The following MYPN variants were observed in gnomAD, a reference collection of about 807,000 sequenced individuals.
MYPN encodes myopalladin, also known as sarcomeric protein myopalladin, 145 kDa (MYOP).
MYPN carries 63 observed loss-of-function variants against 129.4 expected under a neutral mutation model. The observed-to-expected ratio is 0.49, with a 90% confidence interval of 0.40 to 0.60. The LOEUF (loss-of-function observed/expected upper bound fraction) is 0.60, where lower values mean the gene tolerates loss of function less well. MYPN is among the 20% of genes least tolerant of loss of function. MYPN has a pLI of 0.00. For missense variants in MYPN, 1,596 were observed against 1,635.4 expected, an observed-to-expected ratio of 0.98 and a Z score of 0.42; for synonymous variants, 629 against 600.9, an observed-to-expected ratio of 1.05 and a Z score of -0.68.
At chr10:68,173,601 T>C (rs1479641334) in intron 10 of MYPN, among the ~76,000 whole-genome samples, 1 of 148,914 alleles carries the variant, frequency 6.7e-6, no homozygotes. Flanking sequence ...TTTATTTATT[T>C]ATTTATTTAT....
At chr10:68,182,610 G>A (rs187395570) in intron 12 of MYPN, among the ~76,000 whole-genome samples, 367 of 151,188 alleles carry the variant, frequency 2.4e-3, no homozygotes, top group Non-Finnish European at 4.0e-3. Flanking sequence ...GGGTTCAAGT[G>A]ATTCTCATGC....
At chr10:68,202,614 A>C (rs1390988903) in intron 18 of MYPN, among the ~76,000 whole-genome samples, 1 of 152,170 alleles carries the variant, frequency 6.6e-6, no homozygotes, top group African/African-American at 2.4e-5. Flanking sequence ...TTTTAAAGTA[A>C]GCTTAAGGAT....
At position 68,161,654 on chromosome 10, in the gene MYPN, A is replaced by G. The variant is rs140853903; in HGVS notation, c.1460-75A>G. The stretch of plus-strand genomic sequence containing the variant: ...AGTGTGCAAGAGACTGTGAAATTCT[A>G]TAGGAAGCTTCTGATGAACATGTAG... On this transcript the variant is annotated intron_variant, in intron 7 of 19. Coordinates refer to ENST00000358913, the MANE Select transcript of MYPN (RefSeq NM_032578.4). 159 of 1,191,278 alleles carry G rather than the reference A, an allele frequency of 1.3e-4. No individual in the cohort carries two copies. In the African/African-American group the frequency reaches 1.8e-3, roughly 14 times the overall value. The allele number at this position is 1,191,278 out of a possible 1,614,324, so 73.8% of individuals were successfully genotyped here. A position where few individuals can be genotyped will look rare whatever the true frequency, so the allele number is the denominator to read the frequency against.
At chr10:68,174,013 A>T in intron 10 of MYPN, 53 bp from the exon 11 acceptor site, 2 of 1,350,328 alleles carry the variant, frequency 1.5e-6, no homozygotes, top group Non-Finnish European at 2.1e-6. Context: ...TTGAAAGGTG[A>T]GGCCAATAAT....
chr10:68,155,380 C>T (rs1198475636), intron 6 of MYPN, among the ~76,000 whole-genome samples: 3 of 152,146 alleles, frequency 2.0e-5, no homozygotes, highest in Admixed American at 6.5e-5. Context: ...CAAAGAATGT[C>T]CTCCCAGATG....
intron 12 of MYPN, among the ~76,000 whole-genome samples, chr10:68,179,330 T>C (rs1035422881): frequency 2.0e-5 from 3 of 152,164 alleles, no homozygotes; most frequent in Non-Finnish European, 2.9e-5. Context: ...GTGAAGTGTC[T>C]CTGTATCCTC....
At chr10:68,136,494 G>A in intron 2 of MYPN, 1 of 1,289,858 alleles carries the variant, frequency 7.8e-7, no homozygotes, top group Non-Finnish European at 1.0e-6. Context: ...CTTCAGCATA[G>A]CAGGGTAAAT....
intron 10 of MYPN, among the ~76,000 whole-genome samples, chr10:68,168,247 A>T (rs944090381): frequency 4.0e-5 from 6 of 151,872 alleles, no homozygotes; most frequent in Admixed American, 2.6e-4. Context: ...TCCCCAGTAC[A>T]CTCAACTGTT....
At chr10:68,146,683 T>C (rs1461036267) in intron 4 of MYPN, among the ~76,000 whole-genome samples, 2 of 152,240 alleles carry the variant, frequency 1.3e-5, no homozygotes, top group Admixed American at 6.5e-5. Context: ...CTTTCTGCTT[T>C]ATCTCACACT....
chr10:68,117,775 C>G (rs1396819336), intron 1 of MYPN, among the ~76,000 whole-genome samples: 1 of 151,254 alleles, frequency 6.6e-6, no homozygotes, highest in Non-Finnish European at 1.5e-5. Context: ...ATGGCCATAG[C>G]TGTTAAATAA....
intron 2 of MYPN, among the ~76,000 whole-genome samples, chr10:68,123,217 A>C (rs1288022192): frequency 2.0e-5 from 3 of 151,976 alleles, no homozygotes; most frequent in African/African-American, 7.3e-5. Flanking sequence ...TCTACTAAAA[A>C]TACAAAAAAA....
intron 12 of MYPN, among the ~76,000 whole-genome samples, chr10:68,182,465 C>CATATATATAACATATATATATAACAT (rs372702266): frequency 3.4e-5 from 3 of 89,390 alleles, no homozygotes; most frequent in Non-Finnish European, 4.4e-5. Flanking sequence ...ATATATATAA[C>CATATATATAACATATATATATAACAT]ATATATACAC....
chr10:68,185,618 T>C (rs778525822), intron 12 of MYPN, among the ~76,000 whole-genome samples: 11 of 152,168 alleles, frequency 7.2e-5, no homozygotes, highest in African/African-American at 1.4e-4. Context: ...AGGATCTGCA[T>C]GTGGAGTGAG....
At chr10:68,200,687 G>C (rs1274625851) in intron 17 of MYPN, among the ~76,000 whole-genome samples, 2 of 152,018 alleles carry the variant, frequency 1.3e-5, no homozygotes, top group Non-Finnish European at 2.9e-5. Context: ...GAACCCGGGA[G>C]GTGGAGGTTG....
intron 1 of MYPN, among the ~76,000 whole-genome samples, chr10:68,117,759 T>C (rs2042179242): frequency 6.6e-6 from 1 of 151,856 alleles, no homozygotes; most frequent in South Asian, 2.1e-4. Flanking sequence ...ATGGAGGCCA[T>C]GATACATGGC....
At chr10:68,137,628 T>C (rs938807913) in intron 2 of MYPN, among the ~76,000 whole-genome samples, 2 of 152,182 alleles carry the variant, frequency 1.3e-5, no homozygotes, top group Non-Finnish European at 2.9e-5. Flanking sequence ...TTTGTTAATA[T>C]CATCACTGAT....
chr10:68,174,938 C>A (rs1165027966), intron 11 of MYPN, among the ~76,000 whole-genome samples: 2 of 152,040 alleles, frequency 1.3e-5, no homozygotes, highest in African/African-American at 4.8e-5. Context: ...TGTTTGACAG[C>A]AGCCTGGGCA....
intron 18 of MYPN, among the ~76,000 whole-genome samples, chr10:68,203,418 A>ATC (rs1423366791): frequency 2.7e-5 from 4 of 146,824 alleles, no homozygotes; most frequent in African/African-American, 7.3e-5. Context: ...GCAAGACCCC[A>ATC]TCTCTAAAAA....
chr10:68,156,143 G>C (rs893051542), intron 6 of MYPN, among the ~76,000 whole-genome samples: 7 of 152,142 alleles, frequency 4.6e-5, no homozygotes, highest in Non-Finnish European at 8.8e-5. Flanking sequence ...TGAATGTACT[G>C]TTTCATTTAC....
Sources: gnomAD v4.1 joint callset for allele counts (sites outside exome capture counted in the v4.1 genomes callset) on GRCh38, gnomAD v4.1.1 for gene constraint, MANE v1.5 for transcripts, NCBI Gene and HGNC (gene_info 2026-07-23, HGNC 2026-07-21) for gene names.